Variants in CBX5 observed in about 807,000 individuals in gnomAD.
The protein encoded by CBX5 is chromobox protein homolog 5.
Under a neutral mutation model 20.7 loss-of-function variants are expected in CBX5, and 7 were observed. The ratio of observed to expected loss-of-function variants is 0.34; its 90% CI spans 0.19 to 0.63. CBX5 has a LOEUF of 0.63. Among genes scored for constraint, CBX5 ranks in the 30% least tolerant of loss-of-function variants. The pLI is 0.75. For synonymous variants in CBX5, 78 were observed against 77.0 expected, an observed-to-expected ratio of 1.01 and a Z score of -0.07; for missense variants, 110 against 224.1, an observed-to-expected ratio of 0.49 and a Z score of 3.25.
chr12:54,278,634 T>G (rs1032193542), intron 1 of CBX5: 1 of 152,244 alleles, frequency 6.6e-6, no homozygotes, highest in Non-Finnish European at 1.5e-5. Flanking sequence ...TATCAAAATT[T>G]ATTTATTTCT....
At chr12:54,270,135 T>C (rs904614618) in intron 1 of CBX5, among the ~76,000 whole-genome samples, 2 of 152,116 alleles carry the variant, frequency 1.3e-5, no homozygotes, top group Non-Finnish European at 2.9e-5. Flanking sequence ...TTGCTGCTTT[T>C]ATCATTACTA....
intron 1 of CBX5, among the ~76,000 whole-genome samples, chr12:54,279,770 G>A (rs921612062): frequency 1.2e-4 from 18 of 152,186 alleles, no homozygotes; most frequent in African/African-American, 3.6e-4. Context: ...TCAGTCGGCA[G>A]CTCAAGGCAG....
At chr12:54,270,816 C>A (rs548769580) in intron 1 of CBX5, among the ~76,000 whole-genome samples, 2 of 152,222 alleles carry the variant, frequency 1.3e-5, no homozygotes, top group East Asian at 3.9e-4. Flanking sequence ...CTTTGGGAAG[C>A]TGAGATGAGA....
At chr12:54,263,912 G>A (rs972378485) in intron 1 of CBX5, among the ~76,000 whole-genome samples, 21 of 151,766 alleles carry the variant, frequency 1.4e-4, no homozygotes, top group African/African-American at 4.4e-4. Flanking sequence ...ATGTGGTGGC[G>A]GGAGCCTGTA....
intron 1 of CBX5, among the ~76,000 whole-genome samples, chr12:54,263,717 C>T (rs1334360883): frequency 3.5e-5 from 5 of 142,438 alleles, no homozygotes; most frequent in South Asian, 2.3e-4. Flanking sequence ...GAGCTGAGAT[C>T]GCGCCACTGC....
At chr12:54,252,707 G>C (rs141194652) in intron 2 of CBX5, among the ~76,000 whole-genome samples, 1 of 152,040 alleles carries the variant, frequency 6.6e-6, no homozygotes, top group South Asian at 2.1e-4. Flanking sequence ...CAGATCAGCC[G>C]GGCACGGTGG....
chr12:54,238,549 A>G lies in CBX5; in HGVS notation c.*3206T>C, dbSNP rs1943645685. The stretch of plus-strand genomic sequence containing the variant: ...GAAAGCATGAAGATAGTATGTTCCA[A>G]TTTTAAATAAAAATTATATTGTCTG... On this transcript the variant is annotated 3_prime_UTR_variant, in exon 5 of 5. Transcript: ENST00000209875. 4 of 152,370 alleles carry G rather than the reference A, an allele frequency of 2.6e-5. No individual in the cohort carries two copies. In the South Asian group the frequency reaches 8.3e-4, roughly 32 times the overall value. The allele number at this position is 152,370 out of a possible 1,614,324, so 9.4% of individuals were successfully genotyped here.
At chr12:54,251,245 G>C (rs756367071) in intron 3 of CBX5, among the ~76,000 whole-genome samples, 8 of 151,948 alleles carry the variant, frequency 5.3e-5, no homozygotes, top group Non-Finnish European at 1.0e-4. Context: ...CGGATCACGA[G>C]GTCAGGAGTT....
intron 3 of CBX5, among the ~76,000 whole-genome samples, chr12:54,250,602 G>A (rs923910346): frequency 6.7e-5 from 10 of 148,634 alleles, no homozygotes; most frequent in African/African-American, 1.5e-4. Context: ...TCAGGAGATC[G>A]AGACCATCCT....
At chr12:54,250,753 C>T (rs1179438778) in intron 3 of CBX5, among the ~76,000 whole-genome samples, 3 of 119,442 alleles carry the variant, frequency 2.5e-5, no homozygotes, top group East Asian at 5.6e-4. Flanking sequence ...TGCAGTGAGC[C>T]GAGATTGCGC....
In CBX5 at chr12:54,238,260, T is replaced by C. The variant is rs747717904; in HGVS notation, c.*3495A>G. The C allele has an allele frequency of 6.6e-6, 1 of 152,166 alleles. No individual in the cohort carries two copies. The highest frequency in any genetic ancestry group is 1.5e-5 in the Non-Finnish European group (1 of 68,030). The allele number at this position is 152,166 out of a possible 1,614,324, so 9.4% of individuals were successfully genotyped here. A position where few individuals can be genotyped will look rare whatever the true frequency, so the allele number is the denominator to read the frequency against. On this transcript the variant is annotated 3_prime_UTR_variant, in exon 5 of 5. Transcript: ENST00000209875. ...GACAAGAAGAAGACAGACAATCACTTTGGAATTCTGAGACTACCTCCAAGA... is the reference window on the plus strand; with the variant it reads ...GACAAGAAGAAGACAGACAATCACTCTGGAATTCTGAGACTACCTCCAAGA...
chr12:54,256,356 G>A (rs1383822035), intron 2 of CBX5, among the ~76,000 whole-genome samples: 1 of 152,136 alleles, frequency 6.6e-6, no homozygotes, highest in East Asian at 1.9e-4. Context: ...CACTCTGGGT[G>A]CTAGAGATGC....
chr12:54,237,132 T>C lies in CBX5; in HGVS notation c.*4623A>G, dbSNP rs1215637934. ...TTGTTAGAAGCACCACAGGTCCAAA[T>C]GCTCCCCAGAGTGGACCAAAACTGG... On this transcript the variant is annotated 3_prime_UTR_variant, in exon 5 of 5. Transcript: ENST00000209875. 2.0e-5 allele frequency: 3 copies of C among 152,186 alleles called. No individual in the cohort carries two copies. The highest frequency in any genetic ancestry group is 2.9e-5 in the Non-Finnish European group (2 of 68,056). The allele number at this position is 152,186 out of a possible 1,614,324, so 9.4% of individuals were successfully genotyped here. A position where few individuals can be genotyped will look rare whatever the true frequency, so the allele number is the denominator to read the frequency against.
At chr12:54,253,380 A>G (rs1037752557) in intron 2 of CBX5, among the ~76,000 whole-genome samples, 5 of 152,098 alleles carry the variant, frequency 3.3e-5, no homozygotes, top group Non-Finnish European at 5.9e-5. Flanking sequence ...GCACCACTGC[A>G]TTCCAGTCTG....
In CBX5 at chr12:54,237,626, A is replaced by G. The variant is rs1943636581; in HGVS notation, c.*4129T>C. On this transcript the variant is annotated 3_prime_UTR_variant, in exon 5 of 5. Coordinates refer to ENST00000209875, the MANE Select transcript of CBX5 (RefSeq NM_012117.3). ...TAGAAATATAGCATTGTGAGCAAAA[A>G]ACAGAAGCTTGTTTTGGGGACAGGA... The G allele has an allele frequency of 1.3e-5, 2 of 152,916 alleles. No individual in the cohort carries two copies. Among genetic ancestry groups the G allele is most frequent in the Middle Eastern group, 2.2e-3 (1 of 452 alleles). 9.5% of individuals were successfully genotyped at this position (152,916 alleles called of 1,614,324 possible).
chr12:54,253,181 A>G (rs1022613957), intron 2 of CBX5, among the ~76,000 whole-genome samples: 1 of 151,892 alleles, frequency 6.6e-6, no homozygotes, highest in Non-Finnish European at 1.5e-5. Flanking sequence ...AACGCCTGTA[A>G]TCCCAGCACT....
intron 4 of CBX5, among the ~76,000 whole-genome samples, chr12:54,245,016 ATT>A (rs985261373): frequency 7.0e-6 from 1 of 143,422 alleles, no homozygotes. Flanking sequence ...ATTTATTATT[ATT>A]TTTTTTTTTT....
intron 1 of CBX5, among the ~76,000 whole-genome samples, chr12:54,260,828 A>AG (rs1452899855): frequency 6.6e-6 from 1 of 152,150 alleles, no homozygotes; most frequent in Non-Finnish European, 1.5e-5. Flanking sequence ...TCTGCTTTAT[A>AG]GATGTGGGAA....
chr12:54,248,249 A>G (rs1189136484), intron 3 of CBX5, among the ~76,000 whole-genome samples: 1 of 151,802 alleles, frequency 6.6e-6, no homozygotes, highest in Non-Finnish European at 1.5e-5. Flanking sequence ...TCAGCCTCCC[A>G]AAGTGCTGGG....
Sources: gnomAD v4.1 joint callset for allele counts (sites outside exome capture counted in the v4.1 genomes callset) on GRCh38, gnomAD v4.1.1 for gene constraint, MANE v1.5 for transcripts, NCBI Gene and HGNC (gene_info 2026-07-23, HGNC 2026-07-21) for gene names.